Variants in FER observed in about 807,000 individuals in gnomAD.
FER encodes tyrosine-protein kinase Fer.
FER carries 63 observed loss-of-function variants against 111.0 expected under a neutral mutation model. That is an observed-to-expected ratio of 0.57 (90% CI 0.46 to 0.70). The LOEUF is 0.70. Ranked by LOEUF, FER falls within the 30% of genes least tolerant of loss-of-function variation. The pLI is 0.00. For synonymous variants in FER, 327 were observed against 313.9 expected, an observed-to-expected ratio of 1.04 and a Z score of -0.44; for missense variants, 914 against 954.0, an observed-to-expected ratio of 0.96 and a Z score of 0.55.
intron 13 of FER, among the ~76,000 whole-genome samples, chr5:109,034,218 T>G (rs904971228): frequency 3.9e-5 from 6 of 152,300 alleles, no homozygotes; most frequent in East Asian, 3.9e-4. Flanking sequence ...GTCTATAACT[T>G]AGACTGGATA....
chr5:108,771,141 G>C (rs1393200931), intron 2 of FER, among the ~76,000 whole-genome samples: 1 of 151,754 alleles, frequency 6.6e-6, no homozygotes, highest in African/African-American at 2.4e-5. Flanking sequence ...TCACCATGTT[G>C]GCCAAGCTGG....
At chr5:109,060,787 T>TATATACAC (rs571418220) in intron 16 of FER, among the ~76,000 whole-genome samples, 2 of 149,706 alleles carry the variant, frequency 1.3e-5, no homozygotes, top group African/African-American at 4.9e-5. Context: ...TATATATATA[T>TATATACAC]ACACACCAAA....
At chr5:109,017,045 A>G (rs184733539) in intron 13 of FER, among the ~76,000 whole-genome samples, 36 of 152,160 alleles carry the variant, frequency 2.4e-4, no homozygotes, top group African/African-American at 7.0e-4. Flanking sequence ...CACCCAGTCT[A>G]TGATACTTTG....
At chr5:109,086,677 T>C (rs1248735999) in intron 16 of FER, among the ~76,000 whole-genome samples, 1 of 151,662 alleles carries the variant, frequency 6.6e-6, no homozygotes, top group Non-Finnish European at 1.5e-5. Context: ...CTCCTAGCAC[T>C]GTTTAGCTAT....
At chr5:108,779,305 T>A (rs1295753059) in intron 2 of FER, among the ~76,000 whole-genome samples, 1 of 148,924 alleles carries the variant, frequency 6.7e-6, no homozygotes, top group Non-Finnish European at 1.5e-5. Context: ...TTTGCCAGCA[T>A]CTATTTACTG....
chr5:108,881,938 T>C (rs1341046468), intron 8 of FER, among the ~76,000 whole-genome samples: 3 of 152,138 alleles, frequency 2.0e-5, no homozygotes, highest in African/African-American at 4.8e-5. Flanking sequence ...TATGCATGTA[T>C]ATGTATTTTA....
chr5:108,803,637 G>C (rs530991298), intron 3 of FER, among the ~76,000 whole-genome samples: 2 of 147,434 alleles, frequency 1.4e-5, no homozygotes, highest in Non-Finnish European at 3.0e-5. Flanking sequence ...GATGGCTGTA[G>C]GTTTGCATTT....
chr5:109,076,072 G>A (rs527769168), intron 16 of FER, among the ~76,000 whole-genome samples: 3 of 151,836 alleles, frequency 2.0e-5, no homozygotes, highest in East Asian at 3.9e-4. Flanking sequence ...TTTTCCGATT[G>A]GAGCTTTATA....
At chr5:109,173,287 T>C (rs751511714) in intron 17 of FER, among the ~76,000 whole-genome samples, 1 of 152,200 alleles carries the variant, frequency 6.6e-6, no homozygotes, top group Non-Finnish European at 1.5e-5. Flanking sequence ...ACAACTTGGT[T>C]GTTTTGTGTT....
At chr5:109,004,198 T>C (rs960294655) in intron 13 of FER, among the ~76,000 whole-genome samples, 2 of 152,182 alleles carry the variant, frequency 1.3e-5, no homozygotes, top group Non-Finnish European at 2.9e-5. Context: ...ACTAGATACA[T>C]TGGCTACTTA....
intron 17 of FER, among the ~76,000 whole-genome samples, chr5:109,148,718 T>C (rs937722859): frequency 1.3e-5 from 2 of 152,204 alleles, no homozygotes; most frequent in African/African-American, 2.4e-5. Flanking sequence ...AATTTCCTTA[T>C]GTAAAATACT....
chr5:109,188,379 GTC>G lies in FER; in HGVS notation c.*808_*809del, dbSNP rs1759109165. ...AGCCTGGCTTGCATGGTGAAACCCT[GTC>G]TCTACCAAAAAAAAAAAAAGAAACA... On this transcript the variant is annotated 3_prime_UTR_variant, in exon 20 of 20. Transcript: ENST00000281092. 2 of 107,192 alleles carry G rather than the reference GTC, an allele frequency of 1.9e-5. No homozygotes were observed. The highest frequency in any genetic ancestry group is 2.0e-4 in the Admixed American group (2 of 10,224). The allele number at this position is 107,192 out of a possible 1,614,324, so 6.6% of individuals were successfully genotyped here.
At chr5:108,960,474 C>T (rs2149670945) in intron 13 of FER, among the ~76,000 whole-genome samples, 1 of 151,872 alleles carries the variant, frequency 6.6e-6, no homozygotes, top group East Asian at 1.9e-4. Flanking sequence ...TATTCATTTT[C>T]TACCCTTAAT....
At chr5:109,129,439 T>G (rs989377365) in intron 17 of FER, among the ~76,000 whole-genome samples, 3 of 152,042 alleles carry the variant, frequency 2.0e-5, no homozygotes, top group Non-Finnish European at 2.9e-5. Flanking sequence ...CTGTATCATA[T>G]AGTAATTTTA....
Position 109,190,591 on chromosome 5 carries a change from AG to A in FER, c.*3018del, listed in dbSNP as rs1206072796. On this transcript the variant is annotated 3_prime_UTR_variant, in exon 20 of 20. Coordinates refer to ENST00000281092, the MANE Select transcript of FER (RefSeq NM_005246.4). ...TTAATTTTGCATTCCATGTAATCTA[AG>A]GCCAAAGCCAACATATTCTTTCTCT... 6.6e-6 allele frequency: 1 copy of A among 152,174 alleles called. No homozygotes were observed. Among genetic ancestry groups the A allele is most frequent in the Non-Finnish European group, 1.5e-5 (1 of 68,030 alleles). 9.4% of individuals were successfully genotyped at this position (152,174 alleles called of 1,614,324 possible). A position where few individuals can be genotyped will look rare whatever the true frequency, so the allele number is the denominator to read the frequency against.
intron 2 of FER, among the ~76,000 whole-genome samples, chr5:108,781,157 G>C (rs1580483054): frequency 6.6e-6 from 1 of 151,964 alleles, no homozygotes; most frequent in South Asian, 2.1e-4. Flanking sequence ...TCTGAGTCTG[G>C]TTCTTATACT....
At chr5:109,017,364 A>G (rs1767289772) in intron 13 of FER, among the ~76,000 whole-genome samples, 1 of 152,058 alleles carries the variant, frequency 6.6e-6, no homozygotes, top group African/African-American at 2.4e-5. Context: ...ATACATTACA[A>G]ATACAAAACA....
At chr5:108,964,424 C>T (rs1759536423) in intron 13 of FER, among the ~76,000 whole-genome samples, 2 of 152,068 alleles carry the variant, frequency 1.3e-5, no homozygotes, top group Admixed American at 6.6e-5. Context: ...GCATGTGTAC[C>T]AACCTATCAG....
chr5:108,900,180 A>G (rs1749804268), intron 10 of FER, among the ~76,000 whole-genome samples: 1 of 152,226 alleles, frequency 6.6e-6, no homozygotes. Context: ...TACAAATAAG[A>G]CAGGGCATTC....
Sources: allele counts gnomAD v4.1 joint callset (sites outside exome capture counted in the v4.1 genomes callset), GRCh38; gene constraint gnomAD v4.1.1; transcripts MANE v1.5; gene names NCBI Gene and HGNC (gene_info 2026-07-23, HGNC 2026-07-21).